Variants in STXBP5L observed in about 807,000 individuals in gnomAD.
STXBP5L encodes the protein syntaxin binding protein 5L, also known as syntaxin-binding protein 5-like.
In STXBP5L, 65 loss-of-function variants were observed where a neutral mutation model predicts 144.5. That is an observed-to-expected ratio of 0.45 (90% CI 0.37 to 0.55). The LOEUF is 0.55. Among genes scored for constraint, STXBP5L ranks in the 20% least tolerant of loss-of-function variants. STXBP5L has a pLI of 0.00. For synonymous variants in STXBP5L, 505 were observed against 469.6 expected (o/e 1.08, Z -0.97); for missense variants, 1,298 against 1,405.5 (o/e 0.92, Z 1.22).
intron 9 of STXBP5L, among the ~76,000 whole-genome samples, chr3:121,160,606 G>A (rs1276999569): frequency 2.0e-5 from 3 of 152,052 alleles, no homozygotes; most frequent in Non-Finnish European, 4.4e-5. Flanking sequence ...ATAGGAGGGG[G>A]AGTCCTGGAA....
chr3:121,384,456 G>A (rs1398896814), intron 22 of STXBP5L, among the ~76,000 whole-genome samples: 4 of 151,996 alleles, frequency 2.6e-5, no homozygotes, highest in Non-Finnish European at 5.9e-5. Flanking sequence ...TAGAGCCCAG[G>A]AGTTCAAGAC....
chr3:121,366,323 GTCTA>G (rs931629584), intron 20 of STXBP5L, among the ~76,000 whole-genome samples: 3 of 151,714 alleles, frequency 2.0e-5, no homozygotes, highest in African/African-American at 7.3e-5. Flanking sequence ...TGTCTGGTTG[GTCTA>G]TCTATTTTTC....
rs575743819 is a variant in STXBP5L at position 120,955,108 on chromosome 3, A to G, written c.287+71A>G. The G allele has an allele frequency of 3.8e-4, 409 of 1,070,388 alleles. 5 individuals are homozygous for G. The South Asian group carries it at 4.7e-3, about 12-fold the overall frequency. The allele number at this position is 1,070,388 out of a possible 1,614,324, so 66.3% of individuals were successfully genotyped here. On this transcript the variant is annotated intron_variant, in intron 3 of 26. Coordinates refer to ENST00000471454, the MANE Select transcript of STXBP5L (RefSeq NM_001308330.2). Reference sequence around the variant, plus strand: ...ACATTTCTTTAAATATTCAGGTAAGATAAATATTTATGACCAAATAAAGTT... The same window carrying G: ...ACATTTCTTTAAATATTCAGGTAAGGTAAATATTTATGACCAAATAAAGTT...
At chr3:120,965,395 G>C (rs1189299584) in intron 3 of STXBP5L, among the ~76,000 whole-genome samples, 2 of 152,178 alleles carry the variant, frequency 1.3e-5, no homozygotes, top group African/African-American at 4.8e-5. Context: ...AATTTGGCCT[G>C]TTTTTGCAGT....
At chr3:121,313,737 AC>A (rs551135993) in intron 19 of STXBP5L, among the ~76,000 whole-genome samples, 14 of 73,242 alleles carry the variant, frequency 1.9e-4, no homozygotes, top group East Asian at 4.8e-4. Flanking sequence ...CGGGGGGCTG[AC>A]CCCCCCCACC....
At chr3:121,014,305 A>G (rs1230079436) in intron 3 of STXBP5L, among the ~76,000 whole-genome samples, 1 of 152,038 alleles carries the variant, frequency 6.6e-6, no homozygotes, top group Non-Finnish European at 1.5e-5. Context: ...GTCATCTACA[A>G]TATCTACCTC....
At chr3:121,261,283 T>C (rs2050373873) in intron 18 of STXBP5L, among the ~76,000 whole-genome samples, 1 of 152,174 alleles carries the variant, frequency 6.6e-6, no homozygotes, top group African/African-American at 2.4e-5. Flanking sequence ...ATCTATCTCA[T>C]AGAGAGCCTC....
chr3:121,114,573 G>T (rs960769329), intron 5 of STXBP5L, among the ~76,000 whole-genome samples: 1 of 152,050 alleles, frequency 6.6e-6, no homozygotes, highest in African/African-American at 2.4e-5. Context: ...GAAAGGATTA[G>T]AATCCCGGTT....
At chr3:121,007,527 A>G (rs1576644048) in intron 3 of STXBP5L, among the ~76,000 whole-genome samples, 1 of 152,146 alleles carries the variant, frequency 6.6e-6, no homozygotes, top group Admixed American at 6.6e-5. Context: ...TTTTTCTTGG[A>G]AAGTTTTAAA....
intron 11 of STXBP5L, 137 bp from the exon 12 acceptor site, chr3:121,233,479 A>G (rs2049371824): frequency 1.9e-6 from 1 of 522,158 alleles, no homozygotes; most frequent in South Asian, 3.9e-5. Context: ...GCTCTTTGTT[A>G]CTTCTTACTT....
intron 10 of STXBP5L, among the ~76,000 whole-genome samples, chr3:121,210,792 C>A (rs1466314364): frequency 6.6e-6 from 1 of 152,090 alleles, no homozygotes; most frequent in Non-Finnish European, 1.5e-5. Context: ...TAGTCTATAT[C>A]TCTGTTTTGG....
At chr3:121,306,138 C>G (rs113136260) in intron 19 of STXBP5L, among the ~76,000 whole-genome samples, 5 of 152,072 alleles carry the variant, frequency 3.3e-5, no homozygotes, top group African/African-American at 1.2e-4. Context: ...CAGAAATTGT[C>G]GTAAGGGCAT....
chr3:120,968,532 G>A (rs1387768534), intron 3 of STXBP5L, among the ~76,000 whole-genome samples: 1 of 151,982 alleles, frequency 6.6e-6, no homozygotes, highest in African/African-American at 2.4e-5. Context: ...TATATAGTTG[G>A]ATGTTTTAAA....
At chr3:121,282,115 A>C in intron 19 of STXBP5L, 849 of 264,968 alleles carry the variant, frequency 3.2e-3, no homozygotes, top group East Asian at 5.6e-3. Context: ...TTTTATTAAT[A>C]TCTCCTTCTA....
At chr3:120,948,157 G>C (rs1402712203) in intron 2 of STXBP5L, among the ~76,000 whole-genome samples, 3 of 151,576 alleles carry the variant, frequency 2.0e-5, no homozygotes, top group Non-Finnish European at 3.0e-5. Flanking sequence ...TGGGTGCACA[G>C]TTGTATCTTG....
intron 5 of STXBP5L, among the ~76,000 whole-genome samples, chr3:121,097,108 C>T (rs1189472889): frequency 6.6e-6 from 1 of 152,218 alleles, no homozygotes; most frequent in Non-Finnish European, 1.5e-5. Context: ...TTCAAACTTC[C>T]TGGCTGCTTT....
At chr3:121,160,453 A>G (rs1427005111) in intron 9 of STXBP5L, among the ~76,000 whole-genome samples, 1 of 152,244 alleles carries the variant, frequency 6.6e-6, no homozygotes, top group South Asian at 2.1e-4. Context: ...ACAATACAGT[A>G]TCACAACTAT....
At chr3:121,361,925 A>G (rs1207930407) in intron 20 of STXBP5L, among the ~76,000 whole-genome samples, 1 of 152,058 alleles carries the variant, frequency 6.6e-6, no homozygotes, top group Non-Finnish European at 1.5e-5. Context: ...TCTTATTTGT[A>G]TCCATACTTC....
intron 9 of STXBP5L, among the ~76,000 whole-genome samples, chr3:121,175,973 C>G (rs1382227712): frequency 6.6e-6 from 1 of 151,568 alleles, no homozygotes; most frequent in East Asian, 1.9e-4. Context: ...GTGGCATAAC[C>G]CAATAATAAA....
Sources: gnomAD v4.1 joint callset for allele counts (sites outside exome capture counted in the v4.1 genomes callset) on GRCh38, gnomAD v4.1.1 for gene constraint, MANE v1.5 for transcripts, NCBI Gene and HGNC (gene_info 2026-07-23, HGNC 2026-07-21) for gene names.